DCC: variants seen among roughly 807,000 people sequenced by gnomAD.
DCC encodes netrin receptor DCC.
DCC carries 58 observed loss-of-function variants against 172.5 expected under a neutral mutation model. The ratio of observed to expected loss-of-function variants is 0.34; its 90% CI spans 0.27 to 0.42. The LOEUF (loss-of-function observed/expected upper bound fraction) is 0.42. Ranked by LOEUF, DCC falls within the 10% of genes least tolerant of loss-of-function variation. The probability of loss-of-function intolerance (pLI) is 1.00; values close to 1 mark genes in which losing one functional copy is unlikely to be tolerated. For synonymous variants in DCC, 709 were observed against 644.5 expected (o/e 1.10, Z -1.52); for missense variants, 1,740 against 1,791.0 (o/e 0.97, Z 0.51).
chr18:53,471,343 ATTAAG>A (rs760670158), intron 25 of DCC, among the ~76,000 whole-genome samples: 12 of 152,216 alleles, frequency 7.9e-5, no homozygotes, highest in Non-Finnish European at 1.3e-4. Context: ...TAAATGTACA[ATTAAG>A]TTATTATTGA....
chr18:52,453,699 C>G (rs1381381439), intron 1 of DCC, among the ~76,000 whole-genome samples: 2 of 152,082 alleles, frequency 1.3e-5, no homozygotes, highest in Non-Finnish European at 2.9e-5. Flanking sequence ...TAAACTGTTG[C>G]CAAATACTGA....
chr18:53,149,943 G>A (rs1171024724), intron 7 of DCC, among the ~76,000 whole-genome samples: 2 of 152,144 alleles, frequency 1.3e-5, no homozygotes, highest in Non-Finnish European at 1.5e-5. Context: ...TCCCCTTCTG[G>A]ATACAAGGTC....
chr18:52,925,306 GTA>G lies in DCC; in HGVS notation c.924_925del (p.Thr309LeufsTer6). ...SNVTDDDSGM[Y>X]TCVVTYKNEN... ...ATGTGACAGATGATGACAGTGGAAT[GTA>G]TACCTGTGTTGTCACATATAAAAAT... is the stretch of plus-strand genomic sequence containing the variant. On this transcript the variant is annotated frameshift_variant, in exon 5 of 29. Coordinates refer to ENST00000442544, the MANE Select transcript of DCC (RefSeq NM_005215.4). LOFTEE classifies it high-confidence loss of function. 6.2e-7 allele frequency: 1 copy of G among 1,612,320 alleles called. No individual in the cohort carries two copies. Among genetic ancestry groups the G allele is most frequent in the Non-Finnish European group, 8.5e-7 (1 of 1,178,590 alleles).
chr18:53,269,583 A>G (rs1185646548), intron 12 of DCC, among the ~76,000 whole-genome samples: 1 of 152,216 alleles, frequency 6.6e-6, no homozygotes, highest in Non-Finnish European at 1.5e-5. Flanking sequence ...CAATTACATT[A>G]ATCATTGTCT....
intron 1 of DCC, among the ~76,000 whole-genome samples, chr18:52,700,175 C>T (rs2036085825): frequency 6.7e-6 from 1 of 148,778 alleles, no homozygotes; most frequent in South Asian, 2.2e-4. Context: ...CACGCACACA[C>T]ACATGCACAC....
chr18:52,666,047 G>A (rs1156843383), intron 1 of DCC, among the ~76,000 whole-genome samples: 1 of 152,164 alleles, frequency 6.6e-6, no homozygotes. Context: ...CCTGTACTTT[G>A]AGAGACCTAG....
chr18:52,342,794 T>A (rs1983711654), intron 1 of DCC, among the ~76,000 whole-genome samples: 1 of 152,254 alleles, frequency 6.6e-6, no homozygotes, highest in South Asian at 2.1e-4. Flanking sequence ...CTCAAGTGAC[T>A]TTTGTCTGGC....
intron 26 of DCC, among the ~76,000 whole-genome samples, chr18:53,495,405 A>AT (rs1020374927): frequency 6.7e-6 from 1 of 149,486 alleles, no homozygotes; most frequent in Admixed American, 6.6e-5. Flanking sequence ...AAAAAAAAAA[A>AT]AGAAAGAAAG....
intron 12 of DCC, among the ~76,000 whole-genome samples, chr18:53,219,486 G>A (rs2059299958): frequency 6.6e-6 from 1 of 151,992 alleles, no homozygotes; most frequent in African/African-American, 2.4e-5. Flanking sequence ...TATATTATGA[G>A]GCATAGATCA....
intron 15 of DCC, among the ~76,000 whole-genome samples, chr18:53,364,335 T>C (rs2057978700): frequency 6.6e-6 from 1 of 152,162 alleles, no homozygotes; most frequent in Non-Finnish European, 1.5e-5. Context: ...TTTTTTCTTT[T>C]TTCATAATTA....
intron 1 of DCC, among the ~76,000 whole-genome samples, chr18:52,642,548 T>TA (rs1568270249): frequency 6.6e-6 from 1 of 152,124 alleles, no homozygotes; most frequent in Non-Finnish European, 1.5e-5. Context: ...TCCCCAAAAC[T>TA]AAAAACAATA....
intron 1 of DCC, among the ~76,000 whole-genome samples, chr18:52,479,373 GA>G (rs1989187616): frequency 6.6e-6 from 1 of 152,094 alleles, no homozygotes; most frequent in South Asian, 2.1e-4. Flanking sequence ...TAGCACTGTG[GA>G]AACATTTTGT....
intron 2 of DCC, among the ~76,000 whole-genome samples, chr18:52,833,773 G>A (rs370016098): frequency 2.6e-5 from 4 of 152,216 alleles, no homozygotes; most frequent in East Asian, 3.9e-4. Context: ...CAGTCCTCCT[G>A]CCTCAGCCTC....
chr18:52,430,266 C>A (rs1374936551), intron 1 of DCC, among the ~76,000 whole-genome samples: 1 of 151,930 alleles, frequency 6.6e-6, no homozygotes, highest in East Asian at 1.9e-4. Context: ...TGAAGGGAAA[C>A]TGAAGATGGC....
At chr18:52,976,016 T>A (rs115286291) in intron 5 of DCC, among the ~76,000 whole-genome samples, 5,359 of 152,152 alleles carry the variant, frequency 0.035, 126 homozygotes, top group African/African-American at 0.054. Context: ...CCTTGCCAGC[T>A]CCTGTTATTT....
chr18:52,589,789 A>G (rs1479322042), intron 1 of DCC, among the ~76,000 whole-genome samples: 1 of 152,216 alleles, frequency 6.6e-6, no homozygotes, highest in Non-Finnish European at 1.5e-5. Flanking sequence ...GAAGGGACTT[A>G]TATGTGGAAT....
At chr18:53,043,659 G>T (rs974813553) in intron 5 of DCC, among the ~76,000 whole-genome samples, 4 of 151,824 alleles carry the variant, frequency 2.6e-5, no homozygotes, top group African/African-American at 9.7e-5. Context: ...GAAGTCATTT[G>T]GTTAACATGT....
chr18:52,618,410 T>G (rs907657594), intron 1 of DCC, among the ~76,000 whole-genome samples: 18 of 152,210 alleles, frequency 1.2e-4, no homozygotes. Flanking sequence ...GCAGCCTCTT[T>G]ATCGTATTTA....
At chr18:52,776,721 C>A (rs2037441683) in intron 2 of DCC, among the ~76,000 whole-genome samples, 1 of 152,042 alleles carries the variant, frequency 6.6e-6, no homozygotes, top group African/African-American at 2.4e-5. Flanking sequence ...CACATACATA[C>A]CAAAACATAC....
Sources: gnomAD v4.1 joint callset for allele counts (sites outside exome capture counted in the v4.1 genomes callset) on GRCh38, gnomAD v4.1.1 for gene constraint, MANE v1.5 for transcripts, NCBI Gene and HGNC (gene_info 2026-07-23, HGNC 2026-07-21) for gene names.